Variants in SMPDL3B observed in about 807,000 individuals in gnomAD.
SMPDL3B encodes the protein sphingomyelin phosphodiesterase acid like 3B, also known as acid sphingomyelinase-like phosphodiesterase 3b.
SMPDL3B carries 31 observed loss-of-function variants against 37.9 expected under a neutral mutation model. The ratio of observed to expected loss-of-function variants is 0.82; its 90% CI spans 0.61 to 1.10. The LOEUF is 1.10. Ranked by LOEUF, SMPDL3B falls within the 50% of genes least tolerant of loss-of-function variation. The pLI is 0.00. For missense variants in SMPDL3B, 525 were observed against 597.8 expected (o/e 0.88, Z 1.27); for synonymous variants, 235 against 242.6 (o/e 0.97, Z 0.29).
intron 1 of SMPDL3B, among the ~76,000 whole-genome samples, chr1:27,940,166 G>A (rs759067847): frequency 2.0e-5 from 3 of 152,184 alleles, no homozygotes; most frequent in African/African-American, 7.2e-5. Flanking sequence ...AGGCGGGCCA[G>A]GACACTTTTT....
intron 3 of SMPDL3B, among the ~76,000 whole-genome samples, 173 bp from the exon 4 acceptor site, chr1:27,953,042 C>T (rs1005630829): frequency 2.8e-4 from 42 of 152,300 alleles, no homozygotes; most frequent in Non-Finnish European, 6.0e-4. Context: ...CCTCCAAAGT[C>T]TAAGCAAAGT....
rs7548459 is a variant in SMPDL3B at position 27,943,883 on chromosome 1, G to A, written c.62-1349G>A. On this transcript the variant is annotated intron_variant, in intron 1 of 7. Coordinates refer to ENST00000373894, the MANE Select transcript of SMPDL3B (RefSeq NM_014474.4). ...AAAAAAATTAGCTGGGCGTGGTGGCGCATGACTGTAATCCCAGCTGCTTGG... is the reference window on the plus strand; with the variant it reads ...AAAAAAATTAGCTGGGCGTGGTGGCACATGACTGTAATCCCAGCTGCTTGG... Among the ~76,000 whole-genome samples, 260 of 151,596 alleles carry A rather than the reference G, an allele frequency of 1.7e-3. 1 individual carries two copies. Among genetic ancestry groups the A allele is most frequent in the African/African-American group, 5.7e-3 (234 of 41,350 alleles).
At chr1:27,939,995 G>A (rs1451473633) in intron 1 of SMPDL3B, among the ~76,000 whole-genome samples, 1 of 152,120 alleles carries the variant, frequency 6.6e-6, no homozygotes, top group Non-Finnish European at 1.5e-5. Context: ...TGACTTACTT[G>A]ATATTTGTAA....
At chr1:27,956,168 T>A in intron 7 of SMPDL3B, 86 bp downstream of exon 7, 1 of 1,612,776 alleles carries the variant, frequency 6.2e-7, no homozygotes, top group Non-Finnish European at 8.5e-7. Flanking sequence ...CTTATCCACC[T>A]TCCCCTGACC....
chr1:27,954,843 A>T (rs1248194822), intron 5 of SMPDL3B, among the ~76,000 whole-genome samples: 1 of 152,210 alleles, frequency 6.6e-6, no homozygotes, highest in Non-Finnish European at 1.5e-5. Context: ...GCACAGCTGC[A>T]GCCAGTACTG....
chr1:27,951,535 C>T (rs768091894), intron 3 of SMPDL3B, among the ~76,000 whole-genome samples: 7 of 152,190 alleles, frequency 4.6e-5, no homozygotes, highest in Non-Finnish European at 7.3e-5. Flanking sequence ...ACAACACAGG[C>T]ACGCAAGGCA....
At chr1:27,942,893 C>T (rs2090372764) in intron 1 of SMPDL3B, among the ~76,000 whole-genome samples, 1 of 151,802 alleles carries the variant, frequency 6.6e-6, no homozygotes, top group South Asian at 2.1e-4. Flanking sequence ...AACTCCTGGC[C>T]TCAAGCAATC....
intron 7 of SMPDL3B, 197 bp downstream of exon 7, chr1:27,956,279 C>T (rs1638272416): frequency 6.6e-7 from 1 of 1,518,942 alleles, no homozygotes; most frequent in African/African-American, 1.4e-5. Flanking sequence ...CTCACCAAGT[C>T]ACCTTTTCCC....
Position 27,945,402 on chromosome 1 carries a change from A to T in SMPDL3B, c.232A>T (p.Met78Leu), listed in dbSNP as rs760410391. 6.2e-7 allele frequency: 1 copy of T among 1,614,122 alleles called. No homozygotes were observed. The highest frequency in any genetic ancestry group is 1.7e-5 in the Admixed American group (1 of 60,016). The change falls in exon 2 of 8, where the codon ATG becomes TTG. Residue 78 changes from methionine to leucine, a missense_variant. By Grantham distance (15) the Met-to-Leu change is conservative. Transcript: ENST00000373894. This position sits in a 1 kb window ranked among gnomAD's most constrained non-coding sequence, Gnocchi z 4.0. ...WALINSSIYA[M>L]KEIEPEPDFI... ...CCTCATCAACTCCTCCATCTATGCC[A>T]TGAAGGAGATTGAGCCAGAGCCAGA...
intron 1 of SMPDL3B, 67 bp downstream of exon 1, chr1:27,935,311 G>T: frequency 7.3e-6 from 9 of 1,226,760 alleles, no homozygotes; most frequent in Non-Finnish European, 1.1e-5. Flanking sequence ...GCGGGAAGCT[G>T]CTCGCAGCCA....
At chr1:27,938,523 A>T (rs2090327584) in intron 1 of SMPDL3B, among the ~76,000 whole-genome samples, 3 of 152,190 alleles carry the variant, frequency 2.0e-5, no homozygotes, top group Admixed American at 6.5e-5. Context: ...TAAAATAGGG[A>T]TGTTAGCAGA....
In SMPDL3B at chr1:27,940,369, GTC is replaced by G. The variant is rs532258113; in HGVS notation, c.62-4858_62-4857del. ...ACGTGGCCACTCCCCACCTTGTCCT[GTC>G]TCTCATGGTGAGAGGGGGCCTTGTA... On this transcript the variant is annotated intron_variant, in intron 1 of 7. Coordinates refer to ENST00000373894, the MANE Select transcript of SMPDL3B (RefSeq NM_014474.4). Among the ~76,000 whole-genome samples the G allele has an allele frequency of 2.0e-5, 3 of 152,308 alleles. No individual in the cohort carries two copies. In the South Asian group the frequency reaches 6.2e-4, roughly 32 times the overall value.
chr1:27,954,798 C>T (rs1196606966), intron 5 of SMPDL3B, among the ~76,000 whole-genome samples: 3 of 152,192 alleles, frequency 2.0e-5, no homozygotes, highest in Admixed American at 6.5e-5. Context: ...GAAGACCAGA[C>T]TCCAAGTCCA....
At chr1:27,936,163 C>T (rs973036757) in intron 1 of SMPDL3B, among the ~76,000 whole-genome samples, 4 of 152,042 alleles carry the variant, frequency 2.6e-5, no homozygotes, top group Non-Finnish European at 5.9e-5. Flanking sequence ...TTTAAAAGGA[C>T]CCTTGAGGCC....
At chr1:27,940,914 G>T (rs1202738565) in intron 1 of SMPDL3B, among the ~76,000 whole-genome samples, 1 of 152,144 alleles carries the variant, frequency 6.6e-6, no homozygotes, top group African/African-American at 2.4e-5. Context: ...ACGGTATGGT[G>T]CGTTGGGATT....
rs776161962 is a variant in SMPDL3B, at chr1:27,949,134, G to T, written c.345G>T (p.Leu115=). The stretch of plus-strand genomic sequence containing the variant: ...CTGTACTGGAAATTGTGGAACGCCT[G>T]ACCAAGCTCATCAGAGAGGTCTTTC... ...EAAVLEIVER[L]TKLIREVFPD... is the part of the protein sequence containing the mutation. The change falls in exon 3 of 8, where the codon CTG becomes CTT. Residue 115 remains leucine (L), a synonymous_variant. Transcript: ENST00000373894. 6.2e-6 allele frequency: 10 copies of T among 1,614,068 alleles called. No individual in the cohort carries two copies. Among genetic ancestry groups the T allele is most frequent in the Non-Finnish European group, 7.6e-6 (9 of 1,180,038 alleles).
chr1:27,936,039 A>G lies in SMPDL3B; in HGVS notation c.61+795A>G, dbSNP rs1167117039. Among the ~76,000 whole-genome samples, 4 of 152,204 alleles carry G rather than the reference A, an allele frequency of 2.6e-5. No individual in the cohort carries two copies. The Middle Eastern group carries it at 0.01, about 388-fold the overall frequency. ...CGAAGACTCTCTTGAGGACTCAGAC[A>G]TTTTTCTTTCCACGTGCCTGTAGAT... is the stretch of plus-strand genomic sequence containing the variant. On this transcript the variant is annotated intron_variant, in intron 1 of 7. Transcript: ENST00000373894.
In SMPDL3B at chr1:27,945,451, T is replaced by C; in HGVS notation, c.275+6T>C. ...GACTTCATTCTCTGGACTGGGTGAG[T>C]ACAGTTGAGGTGGCAGCTACCCTTT... is the stretch of plus-strand genomic sequence containing the variant. On this transcript the variant is annotated splice_donor_region_variant and intron_variant, in intron 2 of 7. Coordinates refer to ENST00000373894, the MANE Select transcript of SMPDL3B (RefSeq NM_014474.4). The surrounding 1 kb of genome is among the most constrained non-coding windows in gnomAD (Gnocchi z 4.0). 6.2e-7 allele frequency: 1 copy of C among 1,612,608 alleles called. No homozygotes were observed. Among genetic ancestry groups the C allele is most frequent in the East Asian group, 2.2e-5 (1 of 44,870 alleles).
In SMPDL3B at chr1:27,958,564, A is replaced by G. The variant is rs768442402; in HGVS notation, c.1094A>G (p.Tyr365Cys). ...CTCGAGTACCAGCTGACCGAGGCCT[A>G]TGGGGTGCCGGACGCCAGCGCCCAC... Reference protein sequence around the residue: ...WELEYQLTEAYGVPDASAHSM... With the variant: ...WELEYQLTEACGVPDASAHSM... The change falls in exon 8 of 8, where the codon TAT becomes TGT. Residue 365 changes from tyrosine to cysteine, a missense_variant. Coordinates refer to ENST00000373894, the MANE Select transcript of SMPDL3B (RefSeq NM_014474.4). This position sits in a 1 kb window ranked among gnomAD's most constrained non-coding sequence, Gnocchi z 5.6. The G allele has an allele frequency of 3.2e-5, 51 of 1,613,828 alleles. No individual in the cohort carries two copies. The highest frequency in any genetic ancestry group is 4.3e-5 in the Non-Finnish European group (51 of 1,179,986).
Sources: gnomAD v4.1 joint callset for allele counts (sites outside exome capture counted in the v4.1 genomes callset) on GRCh38, gnomAD v4.1.1 for gene constraint, Gnocchi (gnomAD v3.1) non-coding constraint, MANE v1.5 for transcripts, NCBI Gene and HGNC (gene_info 2026-07-23, HGNC 2026-07-21) for gene names.